Variants in GALNT18 observed in about 807,000 individuals in gnomAD.
GALNT18 encodes polypeptide N-acetylgalactosaminyltransferase 18.
A neutral mutation model predicts 69.5 loss-of-function variants in GALNT18; 44 were observed. The observed-to-expected ratio is 0.63, with a 90% CI of 0.50 to 0.81. The LOEUF (loss-of-function observed/expected upper bound fraction) is 0.81. Among genes scored for constraint, GALNT18 ranks in the 40% least tolerant of loss-of-function variants. GALNT18 has a pLI of 0.00. For synonymous variants in GALNT18, 364 were observed against 318.2 expected, an observed-to-expected ratio of 1.14 and a Z score of -1.53; for missense variants, 715 against 810.0, an observed-to-expected ratio of 0.88 and a Z score of 1.42.
chr11:11,455,499 A>T (rs1355919518), intron 1 of GALNT18, among the ~76,000 whole-genome samples: 1 of 152,186 alleles, frequency 6.6e-6, no homozygotes, highest in Non-Finnish European at 1.5e-5. Flanking sequence ...CACTCCAGGG[A>T]AGTACACCCC....
chr11:11,356,280 T>A lies in GALNT18; in HGVS notation c.1093-15276A>T, dbSNP rs1564908436. On this transcript the variant is annotated intron_variant, in intron 6 of 10. Coordinates refer to ENST00000227756, the MANE Select transcript of GALNT18 (RefSeq NM_198516.3). The surrounding 1 kb of genome is among the most constrained non-coding windows in gnomAD (Gnocchi z 4.4). ...GTTTGTGGCAGTTCTTCTGAGGAAA[T>A]GATTCTGGCCTTGCTTGGTGGTCTC... Among the ~76,000 whole-genome samples, 1 of 152,310 alleles carries A rather than the reference T, an allele frequency of 6.6e-6. No homozygotes were observed. The highest frequency in any genetic ancestry group is 1.5e-5 in the Non-Finnish European group (1 of 68,032).
intron 9 of GALNT18, among the ~76,000 whole-genome samples, chr11:11,296,583 A>G (rs532935797): frequency 6.6e-6 from 1 of 152,330 alleles, no homozygotes; most frequent in Non-Finnish European, 1.5e-5. Flanking sequence ...TCTCTGGAGC[A>G]GACTTGGCAG....
chr11:11,572,824 C>G (rs998336447), intron 1 of GALNT18, among the ~76,000 whole-genome samples: 5 of 152,168 alleles, frequency 3.3e-5, no homozygotes, highest in African/African-American at 9.7e-5. Context: ...AGTAACAACT[C>G]CAACTGGGGC....
chr11:11,409,554 T>C (rs942080143), intron 3 of GALNT18, among the ~76,000 whole-genome samples: 37 of 152,138 alleles, frequency 2.4e-4, no homozygotes, highest in African/African-American at 8.7e-4. Context: ...TGAAGCCCCA[T>C]GATACATCTG....
intron 1 of GALNT18, among the ~76,000 whole-genome samples, chr11:11,575,943 T>A (rs1858914926): frequency 6.6e-6 from 1 of 152,176 alleles, no homozygotes; most frequent in African/African-American, 2.4e-5. Flanking sequence ...CTTACAATAG[T>A]CACAATCTCA....
intron 6 of GALNT18, among the ~76,000 whole-genome samples, chr11:11,343,111 AGGTG>A (rs1370819899): frequency 6.6e-6 from 1 of 152,096 alleles, no homozygotes; most frequent in African/African-American, 2.4e-5. Context: ...TGGGAGGCTG[AGGTG>A]GGTGGATCAC....
rs367634043 is a variant in GALNT18 at position 11,271,168 on chromosome 11, G to T, written c.1800C>A (p.Asn600Lys). 1 of 1,613,746 alleles carries T rather than the reference G, an allele frequency of 6.2e-7. No individual in the cohort carries two copies. The part of the protein sequence containing the change: ...KCSGQHWSIT[N>K]VLRSLAS The stretch of plus-strand genomic sequence containing the variant: ...GTCAGGACGCGAGGCTCCTCAGGAC[G>T]TTGGTGATGCTCCAGTGCTGGCCCG... Residue 600 changes from asparagine (N) to lysine (K), a missense_variant, in exon 11 of 11, where the codon AAC becomes AAA. By Grantham distance (94) the Asn-to-Lys change is moderately conservative. Transcript: ENST00000227756.
At chr11:11,520,512 C>G (rs1284611882) in intron 1 of GALNT18, among the ~76,000 whole-genome samples, 1 of 152,200 alleles carries the variant, frequency 6.6e-6, no homozygotes, top group African/African-American at 2.4e-5. Context: ...CCGAGCAGAC[C>G]TGAACAGTCC....
In GALNT18 at chr11:11,617,422, C is replaced by T. The variant is rs951184878; in HGVS notation, c.235+3937G>A. ...CTTTCTCAGTGCAGTGTCTGGCACACATTAGGTCTCCAACAGATAAATGTT... is the reference window on the plus strand; with the variant it reads ...CTTTCTCAGTGCAGTGTCTGGCACATATTAGGTCTCCAACAGATAAATGTT... On this transcript the variant is annotated intron_variant, in intron 1 of 10. Transcript: ENST00000227756. The surrounding 1 kb of genome is among the most constrained non-coding windows in gnomAD (Gnocchi z 4.7). 9.2e-5 allele frequency among the ~76,000 whole-genome samples: 14 copies of T among 152,168 alleles called. No individual in the cohort carries two copies. The highest frequency in any genetic ancestry group is 3.4e-4 in the African/African-American group (14 of 41,434).
intron 1 of GALNT18, 46 bp from the exon 2 acceptor site, chr11:11,448,982 G>C (rs776677233): frequency 2.8e-6 from 4 of 1,420,206 alleles, no homozygotes; most frequent in South Asian, 2.7e-5. Flanking sequence ...GTGCACCCCT[G>C]CATGTGCCAT....
chr11:11,301,227 G>A (rs998841469), intron 9 of GALNT18, among the ~76,000 whole-genome samples: 1 of 152,202 alleles, frequency 6.6e-6, no homozygotes, highest in African/African-American at 2.4e-5. Flanking sequence ...CACAGAGGGC[G>A]GGAAGAAGGA....
chr11:11,466,745 T>G (rs74864033), intron 1 of GALNT18, among the ~76,000 whole-genome samples: 11,272 of 152,274 alleles, frequency 0.074, 905 homozygotes, highest in East Asian at 0.22. Context: ...CAAGGCATTT[T>G]TTCTATCAGA....
chr11:11,554,933 C>A (rs1009539780), intron 1 of GALNT18, among the ~76,000 whole-genome samples: 11 of 152,162 alleles, frequency 7.2e-5, no homozygotes, highest in Non-Finnish European at 1.5e-4. Context: ...CAGAGTGGAA[C>A]AACAGGGCTG....
chr11:11,441,501 C>T (rs990308248), intron 2 of GALNT18, among the ~76,000 whole-genome samples: 1 of 152,100 alleles, frequency 6.6e-6, no homozygotes, highest in East Asian at 1.9e-4. Context: ...TCATAAGACC[C>T]CAGTAAAAAT....
intron 10 of GALNT18, among the ~76,000 whole-genome samples, chr11:11,285,061 G>C (rs1027591063): frequency 4.2e-4 from 64 of 152,114 alleles, no homozygotes; most frequent in African/African-American, 1.4e-3. Context: ...CACAGGTAGA[G>C]AGGGGTTATG....
chr11:11,497,269 G>C lies in GALNT18; in HGVS notation c.236-48333C>G, dbSNP rs1354837296. 4.1e-5 allele frequency among the ~76,000 whole-genome samples: 6 copies of C among 147,376 alleles called. No homozygotes were observed. Among genetic ancestry groups the C allele is most frequent in the African/African-American group, 1.5e-4 (6 of 39,800 alleles). On this transcript the variant is annotated intron_variant, in intron 1 of 10. Coordinates refer to ENST00000227756, the MANE Select transcript of GALNT18 (RefSeq NM_198516.3). This position sits in a 1 kb window ranked among gnomAD's most constrained non-coding sequence, Gnocchi z 4.2. The stretch of plus-strand genomic sequence containing the variant: ...AGCCTTGTGTCCTGTTTTCCTCATA[G>C]CATATACCATTACTTAAAATTATCC...
In GALNT18 at chr11:11,372,993, C is replaced by T. The variant is rs997330337; in HGVS notation, c.978-364G>A. Among the ~76,000 whole-genome samples the T allele has an allele frequency of 2.0e-5, 3 of 152,130 alleles. No homozygotes were observed. The East Asian group carries it at 5.8e-4, about 29-fold the overall frequency. The stretch of plus-strand genomic sequence containing the variant: ...CTCTGTTCCTGCTTGGGAATGCATA[C>T]CAGCTTTCTTACCCTTCCCCAACTT... On this transcript the variant is annotated intron_variant, in intron 5 of 10. Coordinates refer to ENST00000227756, the MANE Select transcript of GALNT18 (RefSeq NM_198516.3). The surrounding 1 kb of genome is among the most constrained non-coding windows in gnomAD (Gnocchi z 4.9).
intron 3 of GALNT18, among the ~76,000 whole-genome samples, chr11:11,391,062 G>C (rs1854180129): frequency 6.6e-6 from 1 of 152,100 alleles, no homozygotes; most frequent in Non-Finnish European, 1.5e-5. Context: ...AGGTCCCTAG[G>C]CTGGGTGCAA....
rs1856237982 is a variant in GALNT18 at position 11,470,066 on chromosome 11, T to C, written c.236-21130A>G. Among the ~76,000 whole-genome samples, 1 of 152,210 alleles carries C rather than the reference T, an allele frequency of 6.6e-6. No individual in the cohort carries two copies. The highest frequency in any genetic ancestry group is 2.4e-5 in the African/African-American group (1 of 41,454). On this transcript the variant is annotated intron_variant, in intron 1 of 10. Coordinates refer to ENST00000227756, the MANE Select transcript of GALNT18 (RefSeq NM_198516.3). The surrounding 1 kb of genome is among the most constrained non-coding windows in gnomAD (Gnocchi z 4.8). The stretch of plus-strand genomic sequence containing the variant: ...ACTGTCCCTCCAATCTGCTTCTGCC[T>C]CTCAGGTTACTTTTGCCAATTGACA...
Sources: allele counts gnomAD v4.1 joint callset (sites outside exome capture counted in the v4.1 genomes callset), GRCh38; gene constraint gnomAD v4.1.1; non-coding constraint Gnocchi (gnomAD v3.1); transcripts MANE v1.5; gene names NCBI Gene and HGNC (gene_info 2026-07-23, HGNC 2026-07-21).